The following BICD1 variants were observed in gnomAD, a reference collection of about 807,000 sequenced individuals.
BICD1 encodes the protein protein bicaudal D homolog 1.
A neutral mutation model predicts 92.5 loss-of-function variants in BICD1; 35 were observed. The ratio of observed to expected loss-of-function variants is 0.38; its 90% CI spans 0.29 to 0.50. The LOEUF (loss-of-function observed/expected upper bound fraction) is 0.50, where lower values mean the gene tolerates loss of function less well. Ranked by LOEUF, BICD1 falls within the 20% of genes least tolerant of loss-of-function variation. The probability of loss-of-function intolerance (pLI) is 0.93; values close to 1 mark genes in which losing one functional copy is unlikely to be tolerated. For missense variants in BICD1, 950 were observed against 1,189.8 expected (o/e 0.80, Z 2.97); for synonymous variants, 429 against 465.1 (o/e 0.92, Z 1.00).
intron 1 of BICD1, among the ~76,000 whole-genome samples, chr12:32,155,806 T>G (rs1460286038): frequency 1.3e-5 from 2 of 152,218 alleles, no homozygotes; most frequent in African/African-American, 4.8e-5. Flanking sequence ...ATAAAAGTGA[T>G]TTATAATCTT....
At chr12:32,371,610 CAG>C (rs1327172553) in intron 9 of BICD1, among the ~76,000 whole-genome samples, 1 of 151,948 alleles carries the variant, frequency 6.6e-6, no homozygotes, top group Non-Finnish European at 1.5e-5. Flanking sequence ...TTGTTTGAGA[CAG>C]AGTCTCCCTC....
chr12:32,290,048 T>G (rs980879086), intron 2 of BICD1, among the ~76,000 whole-genome samples: 2 of 152,190 alleles, frequency 1.3e-5, no homozygotes, highest in Non-Finnish European at 2.9e-5. Context: ...ACTAAAGTGT[T>G]GATGAAATGA....
intron 5 of BICD1, among the ~76,000 whole-genome samples, 180 bp from the exon 6 acceptor site, chr12:32,334,336 A>G (rs775097686): frequency 6.6e-6 from 1 of 152,198 alleles, no homozygotes. Flanking sequence ...TTCACAACAC[A>G]TTTTGACATT....
intron 1 of BICD1, among the ~76,000 whole-genome samples, chr12:32,136,487 T>G (rs1040849981): frequency 1.3e-5 from 2 of 152,164 alleles, no homozygotes; most frequent in African/African-American, 4.8e-5. Flanking sequence ...GGGCTAACCC[T>G]TTAGTGCCTC....
intron 1 of BICD1, among the ~76,000 whole-genome samples, chr12:32,129,744 A>G (rs1942472702): frequency 6.6e-6 from 1 of 152,086 alleles, no homozygotes; most frequent in South Asian, 2.1e-4. Context: ...TTTCTTTCTC[A>G]TCTTCTTTTA....
At chr12:32,356,558 G>A (rs1939116690) in intron 8 of BICD1, among the ~76,000 whole-genome samples, 2 of 151,946 alleles carry the variant, frequency 1.3e-5, no homozygotes, top group South Asian at 2.1e-4. Flanking sequence ...GCCTGAACCC[G>A]GGAAGCAGAG....
Position 32,166,406 on chromosome 12 carries a change from G to A in BICD1, c.214-49841G>A, listed in dbSNP as rs561443195. Among the ~76,000 whole-genome samples, 4 of 152,212 alleles carry A rather than the reference G, an allele frequency of 2.6e-5. No homozygotes were observed. In the South Asian group the frequency reaches 8.3e-4, roughly 32 times the overall value. ...CTGCCTCCGCCACCCAAAGTGCTGG[G>A]ATTACAGGTGTGGGCCACCGCGCCA... On this transcript the variant is annotated intron_variant, in intron 1 of 9. Coordinates refer to ENST00000652176, the MANE Select transcript of BICD1 (RefSeq NM_001714.4).
chr12:32,131,933 AG>A (rs992970928), intron 1 of BICD1, among the ~76,000 whole-genome samples: 1 of 152,218 alleles, frequency 6.6e-6, no homozygotes, highest in African/African-American at 2.4e-5. Context: ...AGCAAGGTGG[AG>A]GAATAACAAG....
intron 1 of BICD1, among the ~76,000 whole-genome samples, chr12:32,127,324 G>A (rs1450463676): frequency 6.6e-6 from 1 of 152,002 alleles, no homozygotes. Flanking sequence ...TGAGTTTTGT[G>A]TTTGGTGTGA....
chr12:32,305,117 C>A (rs1007884755), intron 3 of BICD1, among the ~76,000 whole-genome samples: 3 of 152,132 alleles, frequency 2.0e-5, no homozygotes, highest in Non-Finnish European at 4.4e-5. Flanking sequence ...TTCTGTCTAT[C>A]CTTTAAGCAC....
chr12:32,194,752 G>C (rs779733582), intron 1 of BICD1, among the ~76,000 whole-genome samples: 1 of 151,854 alleles, frequency 6.6e-6, no homozygotes, highest in East Asian at 1.9e-4. Flanking sequence ...GCGTGGTGGC[G>C]CATGCCTGTA....
intron 2 of BICD1, among the ~76,000 whole-genome samples, chr12:32,277,673 CA>C (rs1044956695): frequency 6.6e-6 from 1 of 152,146 alleles, no homozygotes; most frequent in Admixed American, 6.5e-5. Flanking sequence ...AAAGAATAAA[CA>C]AAAATGCTAT....
rs904439163 is a variant in BICD1 at position 32,334,570 on chromosome 12, A to G, written c.2155A>G (p.Met719Val). ...GAACAAATATGAAAATGAAAAAGCA[A>G]TGGTGACTGAAACCATGACGAAGCT... The part of the protein sequence containing the change: ...LKNKYENEKA[M>V]VTETMTKLRN... The change falls in exon 6 of 10, where the codon ATG becomes GTG. Residue 719 changes from methionine (M) to valine (V), a missense_variant. Physicochemically the swap from Met to Val is conservative, Grantham distance 21 (BLOSUM62 1). Around this residue, in one of 5 missense-constraint regions of BICD1, gnomAD observed 309 missense variants for 499.4 expected, o/e 0.62. Coordinates refer to ENST00000652176, the MANE Select transcript of BICD1 (RefSeq NM_001714.4). 3.1e-6 allele frequency: 5 copies of G among 1,613,126 alleles called. No individual in the cohort carries two copies. The Admixed American group carries it at 5.0e-5, about 16-fold the overall frequency.
chr12:32,153,781 A>ATGTGTG (rs57798666), intron 1 of BICD1, among the ~76,000 whole-genome samples: 1 of 148,218 alleles, frequency 6.7e-6, no homozygotes, highest in African/African-American at 2.5e-5. Context: ...ATATATATAT[A>ATGTGTG]TGTGTGTGTG....
At chr12:32,212,450 A>G (rs188178818) in intron 1 of BICD1, among the ~76,000 whole-genome samples, 1 of 152,268 alleles carries the variant, frequency 6.6e-6, no homozygotes, top group Admixed American at 6.5e-5. Context: ...TTTGAGACAG[A>G]GTCTTGCTTT....
chr12:32,122,504 CAAAT>C (rs1162092806), intron 1 of BICD1, among the ~76,000 whole-genome samples: 1 of 136,148 alleles, frequency 7.3e-6, no homozygotes, highest in Non-Finnish European at 1.6e-5. Context: ...AAAAAAAAAA[CAAAT>C]AACAAAAAAA....
intron 4 of BICD1, among the ~76,000 whole-genome samples, chr12:32,308,004 A>G (rs1770421598): frequency 6.6e-6 from 1 of 152,238 alleles, no homozygotes; most frequent in Non-Finnish European, 1.5e-5. Flanking sequence ...TATGCATGAA[A>G]CAGCACAACA....
At chr12:32,285,415 A>G (rs1481632325) in intron 2 of BICD1, among the ~76,000 whole-genome samples, 1 of 152,192 alleles carries the variant, frequency 6.6e-6, no homozygotes, top group Non-Finnish European at 1.5e-5. Context: ...TATTATTAAT[A>G]TCTAATGTGA....
At chr12:32,151,560 A>G (rs570245234) in intron 1 of BICD1, among the ~76,000 whole-genome samples, 1 of 152,366 alleles carries the variant, frequency 6.6e-6, no homozygotes, top group East Asian at 1.9e-4. Context: ...TTATGTTCTC[A>G]GGCATCCCTA....
Sources: allele counts gnomAD v4.1 joint callset (sites outside exome capture counted in the v4.1 genomes callset), GRCh38; gene constraint gnomAD v4.1.1; regional missense constraint gnomAD v4.1.1; transcripts MANE v1.5; gene names NCBI Gene and HGNC (gene_info 2026-07-23, HGNC 2026-07-21).